The following ZSWIM5 variants were observed in gnomAD, a reference collection of about 807,000 sequenced individuals.
ZSWIM5 encodes the protein zinc finger SWIM domain-containing protein 5.
ZSWIM5 carries 55 observed loss-of-function variants against 119.6 expected under a neutral mutation model. The ratio of observed to expected loss-of-function variants is 0.46; its 90% confidence interval spans 0.37 to 0.58. The LOEUF (loss-of-function observed/expected upper bound fraction) is 0.58. Ranked by LOEUF, ZSWIM5 falls within the 20% of genes least tolerant of loss-of-function variation. The pLI is 0.00. For synonymous variants in ZSWIM5, 537 were observed against 606.9 expected (o/e 0.88, Z 1.69); for missense variants, 1,193 against 1,512.8 (o/e 0.79, Z 3.51).
Position 45,019,177 on chromosome 1 carries a change from T to C in ZSWIM5, c.2835A>G (p.Glu945=), listed in dbSNP as rs1283945100. 14 of 1,613,630 alleles carry C rather than the reference T, an allele frequency of 8.7e-6. No individual in the cohort carries two copies. In the Admixed American group the frequency reaches 2.3e-4, roughly 27 times the overall value. ...RLSLDYPQRE[E]LASCARTLAL... The stretch of plus-strand genomic sequence containing the variant: ...CCAGTGTGCGAGCACAGCTAGCCAG[T>C]TCCTCCCGCTGTGGATAGTCAAGAC... The change falls in exon 14 of 14, where the codon GAA becomes GAG. Residue 945 remains glutamate, a synonymous_variant. Coordinates refer to ENST00000359600, the MANE Select transcript of ZSWIM5 (RefSeq NM_020883.2). This position sits in a 1 kb window ranked among gnomAD's most constrained non-coding sequence, Gnocchi z 5.0.
At chr1:45,114,521 C>T (rs1204772058) in intron 1 of ZSWIM5, among the ~76,000 whole-genome samples, 7 of 152,012 alleles carry the variant, frequency 4.6e-5, no homozygotes, top group Admixed American at 3.3e-4. Flanking sequence ...GGTAAATTCG[C>T]TATTTTAGTG....
intron 1 of ZSWIM5, among the ~76,000 whole-genome samples, chr1:45,184,918 C>G (rs1646047555): frequency 2.6e-5 from 4 of 152,032 alleles, no homozygotes; most frequent in African/African-American, 9.7e-5. Flanking sequence ...TCATATGGAA[C>G]CAAAAAAGAG....
At chr1:45,055,859 T>C (rs964378139) in intron 4 of ZSWIM5, among the ~76,000 whole-genome samples, 1 of 152,206 alleles carries the variant, frequency 6.6e-6, no homozygotes, top group Non-Finnish European at 1.5e-5. Flanking sequence ...TATGGGCATG[T>C]GGCTCGTGCC....
chr1:45,153,741 C>T (rs1405982575), intron 1 of ZSWIM5, among the ~76,000 whole-genome samples: 5 of 152,036 alleles, frequency 3.3e-5, no homozygotes, highest in African/African-American at 1.2e-4. Flanking sequence ...GAAGTCCTAG[C>T]TAGAGCAATC....
At chr1:45,203,050 T>C (rs1216283566) in intron 1 of ZSWIM5, among the ~76,000 whole-genome samples, 1 of 152,046 alleles carries the variant, frequency 6.6e-6, no homozygotes, top group Non-Finnish European at 1.5e-5. Flanking sequence ...TGTAAGTCTA[T>C]TGACATAGCT....
At position 45,163,457 on chromosome 1, in the gene ZSWIM5, A is replaced by C. The variant is rs145270379; in HGVS notation, c.595+42299T>G. On this transcript the variant is annotated intron_variant, in intron 1 of 13. Coordinates refer to ENST00000359600, the MANE Select transcript of ZSWIM5 (RefSeq NM_020883.2). ...ACAGCTCCTTGCCAGCAACAGAACA[A>C]AGCTAGACAGAGAATGACTTTGACG... 9.1e-3 allele frequency among the ~76,000 whole-genome samples: 1,384 copies of C among 152,286 alleles called. 27 individuals are homozygous for C. Among genetic ancestry groups the C allele is most frequent in the African/African-American group, 0.032 (1,329 of 41,552 alleles).
chr1:45,204,141 C>T (rs1009645085), intron 1 of ZSWIM5, among the ~76,000 whole-genome samples: 4 of 152,136 alleles, frequency 2.6e-5, no homozygotes, highest in Non-Finnish European at 5.9e-5. Flanking sequence ...CTTTAAAACT[C>T]TTCCTCTCTT....
At chr1:45,027,025 A>G (rs201755298) in intron 11 of ZSWIM5, among the ~76,000 whole-genome samples, 2 of 149,764 alleles carry the variant, frequency 1.3e-5, no homozygotes, top group African/African-American at 4.9e-5. Flanking sequence ...TTTTTTTTTT[A>G]TTATCCTTTT....
At chr1:45,169,453 C>A (rs1645931231) in intron 1 of ZSWIM5, among the ~76,000 whole-genome samples, 1 of 151,798 alleles carries the variant, frequency 6.6e-6, no homozygotes, top group African/African-American at 2.4e-5. Context: ...TAATCAAGAC[C>A]AACTTAATCA....
At chr1:45,040,663 A>C in intron 6 of ZSWIM5, 125 bp from the exon 7 acceptor site, 1 of 721,352 alleles carries the variant, frequency 1.4e-6, no homozygotes. Flanking sequence ...ACTGTATACC[A>C]GGAACTGTGT....
At position 45,174,004 on chromosome 1, in the gene ZSWIM5, G is replaced by C. The variant is rs1645960828; in HGVS notation, c.595+31752C>G. Among the ~76,000 whole-genome samples, 3 of 152,268 alleles carry C rather than the reference G, an allele frequency of 2.0e-5. No homozygotes were observed. In the South Asian group the frequency reaches 6.2e-4, roughly 32 times the overall value. On this transcript the variant is annotated intron_variant, in intron 1 of 13. Transcript: ENST00000359600. ...AAAATGAACATGAAGGCTGGGTGCA[G>C]TGGCTCACGACTGTAATGCCAGCAC...
chr1:45,192,562 T>G (rs1010500980), intron 1 of ZSWIM5, among the ~76,000 whole-genome samples: 1 of 152,236 alleles, frequency 6.6e-6, no homozygotes, highest in Non-Finnish European at 1.5e-5. Context: ...CATCTGTCGA[T>G]GGACACTTGG....
chr1:45,144,011 A>G (rs932946343), intron 1 of ZSWIM5, among the ~76,000 whole-genome samples: 1 of 152,210 alleles, frequency 6.6e-6, no homozygotes. Flanking sequence ...AAATAAATAG[A>G]GAGATATACT....
At chr1:45,141,132 A>C (rs1645724303) in intron 1 of ZSWIM5, among the ~76,000 whole-genome samples, 1 of 152,204 alleles carries the variant, frequency 6.6e-6, no homozygotes, top group African/African-American at 2.4e-5. Context: ...TGGCAGTGAA[A>C]GCAGCAGCAG....
At chr1:45,127,399 T>C (rs1422589465) in intron 1 of ZSWIM5, among the ~76,000 whole-genome samples, 1 of 151,718 alleles carries the variant, frequency 6.6e-6, no homozygotes, top group East Asian at 1.9e-4. Context: ...AAAGATTAAA[T>C]GCTTTACGCT....
chr1:45,117,455 G>A (rs936207285), intron 1 of ZSWIM5, among the ~76,000 whole-genome samples: 1 of 152,174 alleles, frequency 6.6e-6, no homozygotes, highest in Non-Finnish European at 1.5e-5. Context: ...TGGGAGGACT[G>A]CTTGAGCCTA....
At chr1:45,061,951 G>A (rs1267511803) in intron 2 of ZSWIM5, among the ~76,000 whole-genome samples, 1 of 151,898 alleles carries the variant, frequency 6.6e-6, no homozygotes, top group Non-Finnish European at 1.5e-5. Context: ...TTAGCTGGGT[G>A]TAGTGCTGTA....
chr1:45,152,676 T>C (rs1238040987), intron 1 of ZSWIM5, among the ~76,000 whole-genome samples: 2 of 152,096 alleles, frequency 1.3e-5, no homozygotes, highest in Admixed American at 6.6e-5. Context: ...GAAAACACCA[T>C]TCTGGATGCT....
chr1:45,055,233 G>A (rs973530376), intron 4 of ZSWIM5, among the ~76,000 whole-genome samples: 3 of 152,114 alleles, frequency 2.0e-5, no homozygotes, highest in Non-Finnish European at 2.9e-5. Flanking sequence ...CTCGTGATCC[G>A]CCTGCCTTGG....
Sources: allele counts gnomAD v4.1 joint callset (sites outside exome capture counted in the v4.1 genomes callset), GRCh38; gene constraint gnomAD v4.1.1; non-coding constraint Gnocchi (gnomAD v3.1); transcripts MANE v1.5; gene names NCBI Gene and HGNC (gene_info 2026-07-23, HGNC 2026-07-21).